CACNA1D: variants seen among roughly 807,000 people sequenced by gnomAD.
CACNA1D encodes the protein calcium voltage-gated channel subunit alpha1 D.
In CACNA1D, 55 loss-of-function variants were observed where a neutral mutation model predicts 257.1. That is an observed-to-expected ratio of 0.21 (90% CI 0.17 to 0.27). The LOEUF (loss-of-function observed/expected upper bound fraction) is 0.27. CACNA1D is among the 10% of genes least tolerant of loss of function. The pLI, the probability that CACNA1D is intolerant of heterozygous loss-of-function variation, is 1.00. For synonymous variants in CACNA1D, 980 were observed against 1,014.9 expected, an observed-to-expected ratio of 0.97 and a Z score of 0.65; for missense variants, 1,876 against 2,784.0, an observed-to-expected ratio of 0.67 and a Z score of 7.34.
chr3:53,501,179 C>G (rs1002881614), intron 2 of CACNA1D, among the ~76,000 whole-genome samples: 1 of 152,222 alleles, frequency 6.6e-6, no homozygotes, highest in African/African-American at 2.4e-5. Flanking sequence ...GAAAATGGCT[C>G]TAACACATGG....
At chr3:53,776,081 A>G (rs1216786372) in intron 35 of CACNA1D, 36 bp downstream of exon 35, 9 of 1,589,956 alleles carry the variant, frequency 5.7e-6, no homozygotes, top group Non-Finnish European at 7.8e-6. Context: ...CTCAATTTAC[A>G]GATGCTTATG....
Position 53,745,667 on chromosome 3 carries a change from A to C in CACNA1D, c.3050A>C (p.Asn1017Thr). ...TTCGTGGCCATCCGGACCATCGGCA[A>C]CATCATGATCGTCACCACCCTCCTG... is the stretch of plus-strand genomic sequence containing the variant. Reference protein sequence around the residue: ...CVFVAIRTIGNIMIVTTLLQF... With the variant: ...CVFVAIRTIGTIMIVTTLLQF... The change falls in exon 24 of 48, where the codon AAC becomes ACC. Residue 1017 changes from asparagine (N) to threonine (T), a missense_variant. Transcript: ENST00000350061. The C allele has an allele frequency of 6.2e-7, 1 of 1,614,150 alleles. No individual in the cohort carries two copies. The highest frequency in any genetic ancestry group is 8.5e-7 in the Non-Finnish European group (1 of 1,179,992).
intron 14 of CACNA1D, among the ~76,000 whole-genome samples, chr3:53,726,657 T>A (rs1286519739): frequency 1.4e-5 from 2 of 145,974 alleles, no homozygotes; most frequent in African/African-American, 4.8e-5. Flanking sequence ...AACACTTAAG[T>A]CTTAATAATA....
chr3:53,620,044 A>C (rs190191259), intron 3 of CACNA1D, among the ~76,000 whole-genome samples: 102 of 152,318 alleles, frequency 6.7e-4, no homozygotes, highest in Middle Eastern at 3.4e-3. Flanking sequence ...TGAAAAATTA[A>C]ATAGCAATGT....
chr3:53,668,319 A>C (rs1317927053), intron 7 of CACNA1D, among the ~76,000 whole-genome samples: 6 of 152,138 alleles, frequency 3.9e-5, no homozygotes, highest in African/African-American at 1.4e-4. Context: ...CAAGTGTAAA[A>C]CCTGGGAGTA....
chr3:53,640,478 A>T (rs1019269515), intron 3 of CACNA1D, among the ~76,000 whole-genome samples: 23 of 151,880 alleles, frequency 1.5e-4, no homozygotes, highest in African/African-American at 5.3e-4. Context: ...TTGTGTAGAG[A>T]TGGGATCTTG....
intron 8 of CACNA1D, 102 bp from the exon 9 acceptor site, chr3:53,702,539 T>C: frequency 9.3e-7 from 1 of 1,075,592 alleles, no homozygotes; most frequent in South Asian, 1.4e-5. Context: ...TACTCAGTGC[T>C]GTGTGTCCTG....
At chr3:53,573,189 A>G (rs2092977624) in intron 3 of CACNA1D, among the ~76,000 whole-genome samples, 1 of 152,208 alleles carries the variant, frequency 6.6e-6, no homozygotes, top group Non-Finnish European at 1.5e-5. Context: ...TTTTCTTGAC[A>G]GCATCATTTA....
chr3:53,542,923 A>G (rs1376205032), intron 3 of CACNA1D, among the ~76,000 whole-genome samples: 1 of 151,886 alleles, frequency 6.6e-6, no homozygotes, highest in East Asian at 1.9e-4. Context: ...GTGGTGGCGC[A>G]TGCCTGTAAT....
At chr3:53,769,909 C>A in intron 30 of CACNA1D, 64 bp from the exon 31 acceptor site, 2 of 1,243,430 alleles carry the variant, frequency 1.6e-6, no homozygotes, top group Non-Finnish European at 2.4e-6. Flanking sequence ...GGGGGAAATG[C>A]TCTCTGGAAC....
chr3:53,534,613 A>G (rs1407675409), intron 3 of CACNA1D, among the ~76,000 whole-genome samples: 1 of 151,860 alleles, frequency 6.6e-6, no homozygotes, highest in Non-Finnish European at 1.5e-5. Context: ...CTCTCTGCCC[A>G]CTGGTTTCTG....
chr3:53,576,409 A>G (rs1334683190), intron 3 of CACNA1D, among the ~76,000 whole-genome samples: 1 of 152,126 alleles, frequency 6.6e-6, no homozygotes, highest in African/African-American at 2.4e-5. Flanking sequence ...TCTCAGTGAA[A>G]TTTTCAGTGT....
In CACNA1D at chr3:53,683,334, G is replaced by A. The variant is rs193232705; in HGVS notation, c.1220+10208G>A. On this transcript the variant is annotated intron_variant, in intron 8 of 47. Coordinates refer to ENST00000350061, the MANE Select transcript of CACNA1D (RefSeq NM_001128840.3). ...CATTGGGTACTGAGACTTCAGAAAC[G>A]CCAGGCTTTAGGGTTGGAGCTACTT... Among the ~76,000 whole-genome samples, 130 of 152,278 alleles carry A rather than the reference G, an allele frequency of 8.5e-4. No homozygotes were observed. The Middle Eastern group carries it at 0.01, about 12-fold the overall frequency.
intron 3 of CACNA1D, among the ~76,000 whole-genome samples, chr3:53,560,707 A>G (rs74381552): frequency 0.027 from 4,065 of 152,314 alleles, 122 homozygotes; most frequent in East Asian, 0.074. Context: ...CTATTGATTG[A>G]CACTGAAATT....
In CACNA1D at chr3:53,531,021, T is replaced by A. The variant is rs1330393344; in HGVS notation, c.483+29301T>A. ...CCACCATGCCCAGCTAATTTTAATTTTTTTTTTTTTTTTTTGTAGAGGTGA... is the reference window on the plus strand; with the variant it reads ...CCACCATGCCCAGCTAATTTTAATTATTTTTTTTTTTTTTTGTAGAGGTGA... On this transcript the variant is annotated intron_variant, in intron 3 of 47. Transcript: ENST00000350061. 6.4e-5 allele frequency among the ~76,000 whole-genome samples: 9 copies of A among 141,600 alleles called. No individual in the cohort carries two copies. The South Asian group carries it at 2.0e-3, about 31-fold the overall frequency. 92.9% of individuals were successfully genotyped at this position (141,600 alleles called of 152,430 possible). A position where few individuals can be genotyped will look rare whatever the true frequency, so the allele number is the denominator to read the frequency against.
At chr3:53,537,346 A>G (rs2092143969) in intron 3 of CACNA1D, among the ~76,000 whole-genome samples, 2 of 152,202 alleles carry the variant, frequency 1.3e-5, no homozygotes, top group African/African-American at 2.4e-5. Context: ...TTCAGCTTTC[A>G]TAACTCTTCG....
chr3:53,657,583 A>T (rs2094160749), intron 4 of CACNA1D, among the ~76,000 whole-genome samples: 1 of 152,244 alleles, frequency 6.6e-6, no homozygotes, highest in Non-Finnish European at 1.5e-5. Flanking sequence ...AAAAAAAAGG[A>T]AACTGAAGTA....
At chr3:53,575,397 G>T (rs2093019705) in intron 3 of CACNA1D, among the ~76,000 whole-genome samples, 1 of 152,174 alleles carries the variant, frequency 6.6e-6, no homozygotes, top group Non-Finnish European at 1.5e-5. Flanking sequence ...TGGGGGCATG[G>T]TTCCAGGAAG....
intron 30 of CACNA1D, chr3:53,766,072 G>A (rs1350670676): frequency 6.6e-6 from 1 of 152,226 alleles, no homozygotes; most frequent in Non-Finnish European, 1.5e-5. Context: ...TAGTGTCTGG[G>A]AGGCAAAACA....
Sources: gnomAD v4.1 joint callset for allele counts (sites outside exome capture counted in the v4.1 genomes callset) on GRCh38, gnomAD v4.1.1 for gene constraint, MANE v1.5 for transcripts, NCBI Gene and HGNC (gene_info 2026-07-23, HGNC 2026-07-21) for gene names.